MDGA2: variants seen among roughly 807,000 people sequenced by gnomAD.
MDGA2 encodes MAM domain containing glycosylphosphatidylinositol anchor 2.
In MDGA2, 40 loss-of-function variants were observed where a neutral mutation model predicts 117.8. That is an observed-to-expected ratio of 0.34 (90% CI 0.26 to 0.44). The LOEUF is 0.44. Among genes scored for constraint, MDGA2 ranks in the 20% least tolerant of loss-of-function variants. The probability of loss-of-function intolerance (pLI) is 1.00; values close to 1 mark genes in which losing one functional copy is unlikely to be tolerated. For missense variants in MDGA2, 1,123 were observed against 1,250.6 expected, an observed-to-expected ratio of 0.90 and a Z score of 1.54; for synonymous variants, 452 against 439.0, an observed-to-expected ratio of 1.03 and a Z score of -0.37.
chr14:47,411,503 C>T (rs1892371727), intron 1 of MDGA2, among the ~76,000 whole-genome samples: 1 of 152,082 alleles, frequency 6.6e-6, no homozygotes, highest in African/African-American at 2.4e-5. Flanking sequence ...ATAAGCTTAC[C>T]CATATTTTTC....
At chr14:47,349,078 T>C (rs534373267) in intron 1 of MDGA2, among the ~76,000 whole-genome samples, 70 of 152,194 alleles carry the variant, frequency 4.6e-4, no homozygotes, top group Admixed American at 1.2e-3. Flanking sequence ...GTTGAATTGA[T>C]ACAAATATTG....
chr14:46,949,960 A>G (rs1030343910), intron 9 of MDGA2, among the ~76,000 whole-genome samples: 1 of 151,912 alleles, frequency 6.6e-6, no homozygotes, highest in African/African-American at 2.4e-5. Flanking sequence ...TGGAGAAATT[A>G]AATGATTTTA....
intron 10 of MDGA2, among the ~76,000 whole-genome samples, chr14:46,888,601 C>A (rs1319106622): frequency 1.3e-5 from 2 of 151,716 alleles, no homozygotes; most frequent in African/African-American, 4.8e-5. Context: ...GAGGAAAAAA[C>A]ATGTTAATTT....
chr14:47,646,484 T>C (rs1324460431), intron 1 of MDGA2, among the ~76,000 whole-genome samples: 1 of 152,150 alleles, frequency 6.6e-6, no homozygotes, highest in African/African-American at 2.4e-5. Flanking sequence ...CTTCAGAGTC[T>C]TTCTTCTCGG....
At chr14:47,449,850 T>C (rs554815210) in intron 1 of MDGA2, among the ~76,000 whole-genome samples, 1 of 152,230 alleles carries the variant, frequency 6.6e-6, no homozygotes, top group African/African-American at 2.4e-5. Context: ...AAACTCGTCA[T>C]TTAAAAAGAG....
intron 1 of MDGA2, among the ~76,000 whole-genome samples, chr14:47,597,690 A>G (rs1445562693): frequency 3.3e-5 from 5 of 152,132 alleles, no homozygotes; most frequent in African/African-American, 1.2e-4. Context: ...AATTATTATA[A>G]CAACTTTAAA....
chr14:47,558,514 C>T (rs796989310), intron 1 of MDGA2, among the ~76,000 whole-genome samples: 1 of 152,284 alleles, frequency 6.6e-6, no homozygotes, highest in African/African-American at 2.4e-5. Context: ...AAGTAAACAT[C>T]TCTGGATTTC....
At chr14:47,538,287 T>A (rs1230385532) in intron 1 of MDGA2, among the ~76,000 whole-genome samples, 3 of 152,216 alleles carry the variant, frequency 2.0e-5, no homozygotes, top group Non-Finnish European at 4.4e-5. Context: ...ATAATTGACA[T>A]GAGCTTTCAA....
chr14:47,458,896 C>T (rs10150456), intron 1 of MDGA2, among the ~76,000 whole-genome samples: 100,462 of 149,538 alleles, frequency 0.67, 34,264 homozygotes, highest in East Asian at 0.98. Flanking sequence ...TGAGATGCAG[C>T]GCTTCCAGTT....
intron 1 of MDGA2, among the ~76,000 whole-genome samples, chr14:47,450,463 TA>T (rs1893218164): frequency 6.6e-6 from 1 of 152,084 alleles, no homozygotes; most frequent in Non-Finnish European, 1.5e-5. Flanking sequence ...CAAGCAGTGC[TA>T]TATTGACAAT....
intron 1 of MDGA2, among the ~76,000 whole-genome samples, chr14:47,575,985 T>C (rs1048053044): frequency 6.6e-6 from 1 of 152,208 alleles, no homozygotes; most frequent in African/African-American, 2.4e-5. Flanking sequence ...CTATTATATA[T>C]ATTCCTTTAT....
chr14:46,845,146 G>A (rs896934818), intron 16 of MDGA2, among the ~76,000 whole-genome samples: 2 of 152,148 alleles, frequency 1.3e-5, no homozygotes, highest in Non-Finnish European at 2.9e-5. Context: ...GCCTCCCAAA[G>A]TGCTGGGATT....
Position 46,940,422 on chromosome 14 carries a change from G to A in MDGA2, c.2089+16952C>T, listed in dbSNP as rs369488719. Among the ~76,000 whole-genome samples, 179 of 152,014 alleles carry A rather than the reference G, an allele frequency of 1.2e-3. 1 individual carries two copies. The highest frequency in any genetic ancestry group is 4.1e-3 in the African/African-American group (172 of 41,496). On this transcript the variant is annotated intron_variant, in intron 9 of 16. Transcript: ENST00000399232. ...GGAGGGTGGATCACCTGAGGTCAGG[G>A]ATTCAAGACCAGCCTGGCCAACATG... is the stretch of plus-strand genomic sequence containing the variant.
chr14:47,201,009 T>C, intron 3 of MDGA2: 1 of 922,078 alleles, frequency 1.1e-6, no homozygotes, highest in Non-Finnish European at 1.8e-6. Context: ...CGACCACCAC[T>C]TTCCTGCCCA....
intron 1 of MDGA2, among the ~76,000 whole-genome samples, chr14:47,558,615 C>G (rs747734839): frequency 6.6e-6 from 1 of 152,208 alleles, no homozygotes; most frequent in Admixed American, 6.5e-5. Context: ...GGAGAGCACA[C>G]GTGCACATCC....
chr14:47,034,893 A>G (rs1888788535), intron 8 of MDGA2, 118 bp downstream of exon 8: 1 of 854,210 alleles, frequency 1.2e-6, no homozygotes, highest in Non-Finnish European at 1.8e-6. Flanking sequence ...CCAATGTAGA[A>G]ATGTAGAAAT....
rs1411740448 is a variant in MDGA2 at position 46,844,182 on chromosome 14, A to G, written c.2989+1584T>C. ...GGTATAAAGTGAAAATCAAATTATT[A>G]AACAAGCTTGTGGTGCAGATAGGAG... On this transcript the variant is annotated intron_variant, in intron 16 of 16. Coordinates refer to ENST00000399232, the MANE Select transcript of MDGA2 (RefSeq NM_001113498.3). Among the ~76,000 whole-genome samples, 4 of 152,208 alleles carry G rather than the reference A, an allele frequency of 2.6e-5. No individual in the cohort carries two copies. In the South Asian group the frequency reaches 8.3e-4, roughly 32 times the overall value.
intron 1 of MDGA2, among the ~76,000 whole-genome samples, chr14:47,385,506 T>C (rs914807504): frequency 6.6e-6 from 1 of 152,154 alleles, no homozygotes; most frequent in African/African-American, 2.4e-5. Flanking sequence ...GACATTGTTT[T>C]AAATATGGAA....
intron 1 of MDGA2, among the ~76,000 whole-genome samples, chr14:47,491,383 C>T (rs1894166643): frequency 6.6e-6 from 1 of 152,036 alleles, no homozygotes; most frequent in Non-Finnish European, 1.5e-5. Flanking sequence ...TAAAGATTTC[C>T]TTTCCTCTAT....
Sources: allele counts gnomAD v4.1 joint callset (sites outside exome capture counted in the v4.1 genomes callset), GRCh38; gene constraint gnomAD v4.1.1; transcripts MANE v1.5; gene names NCBI Gene and HGNC (gene_info 2026-07-23, HGNC 2026-07-21).